SGCD: variants seen among roughly 807,000 people sequenced by gnomAD.
The protein encoded by SGCD is sarcoglycan delta, also known as delta-sarcoglycan.
A neutral mutation model predicts 36.6 loss-of-function variants in SGCD; 18 were observed. The observed-to-expected ratio is 0.49, with a 90% confidence interval of 0.34 to 0.73. The LOEUF is 0.73. SGCD is among the 30% of genes least tolerant of loss of function. SGCD has a pLI of 0.01. For missense variants in SGCD, 387 were observed against 346.7 expected, an observed-to-expected ratio of 1.12 and a Z score of -0.92; for synonymous variants, 133 against 130.6, an observed-to-expected ratio of 1.02 and a Z score of -0.12.
chr5:156,646,436 G>C (rs999714175), intron 6 of SGCD, among the ~76,000 whole-genome samples: 1 of 152,072 alleles, frequency 6.6e-6, no homozygotes, highest in South Asian at 2.1e-4. Context: ...AAGTCAACCT[G>C]GCTATATCCC....
intron 3 of SGCD, among the ~76,000 whole-genome samples, chr5:156,201,805 A>G (rs1764158245): frequency 6.6e-6 from 1 of 151,758 alleles, no homozygotes; most frequent in South Asian, 2.1e-4. Flanking sequence ...TTATTATGAC[A>G]TTTGAAAGAA....
At chr5:155,732,371 A>G in the SGCD span, among the ~76,000 whole-genome samples, 1 of 152,208 alleles carries the variant, frequency 6.6e-6, no homozygotes. Flanking sequence ...TGACTTCAAG[A>G]TCTCTGGTCC....
intron 1 of SGCD, among the ~76,000 whole-genome samples, chr5:156,003,699 C>T (rs1387941892): frequency 1.3e-5 from 2 of 152,150 alleles, no homozygotes; most frequent in Non-Finnish European, 2.9e-5. Context: ...GAAATCAATA[C>T]TACTTAATAT....
At chr5:156,207,916 A>G (rs568676797) in intron 3 of SGCD, among the ~76,000 whole-genome samples, 1 of 152,254 alleles carries the variant, frequency 6.6e-6, no homozygotes, top group Non-Finnish European at 1.5e-5. Context: ...ATTGACTGGT[A>G]TGTTTACTTA....
chr5:155,769,810 G>C, the SGCD span, among the ~76,000 whole-genome samples: 1 of 152,014 alleles, frequency 6.6e-6, no homozygotes, highest in Admixed American at 6.6e-5. Context: ...TTGTACTCAC[G>C]GCACAGTAAT....
chr5:156,407,026 G>C (rs1256532266), intron 3 of SGCD, among the ~76,000 whole-genome samples: 3 of 151,780 alleles, frequency 2.0e-5, no homozygotes, highest in Non-Finnish European at 4.4e-5. Context: ...AGGCTGGGAG[G>C]CTAGGCCAGT....
At chr5:156,110,991 G>A (rs887898404) in intron 1 of SGCD, among the ~76,000 whole-genome samples, 7 of 151,882 alleles carry the variant, frequency 4.6e-5, no homozygotes, top group East Asian at 1.9e-4. Context: ...ATTTGAACAC[G>A]AAAAAAATAT....
Position 155,983,981 on chromosome 5 carries a change from T to C in SGCD, c.-282+113557T>C, listed in dbSNP as rs1465293893. On this transcript the variant is annotated intron_variant, in intron 1 of 9. Transcript: ENST00000517913. ...CGTGGATGAAAATTTCATGACCTTC[T>C]TCACTGACTTGTTCCAGCCCATTTG... 3.3e-5 allele frequency among the ~76,000 whole-genome samples: 5 copies of C among 152,218 alleles called. No homozygotes were observed. The East Asian group carries it at 7.7e-4, about 23-fold the overall frequency.
chr5:156,124,819 A>G (rs934224737), intron 3 of SGCD, among the ~76,000 whole-genome samples: 2 of 152,046 alleles, frequency 1.3e-5, no homozygotes, highest in African/African-American at 4.8e-5. Context: ...TGGAGTCTGT[A>G]TTGTGAGTCA....
intron 3 of SGCD, among the ~76,000 whole-genome samples, chr5:156,165,741 G>C (rs1763197461): frequency 6.6e-6 from 1 of 152,178 alleles, no homozygotes; most frequent in Non-Finnish European, 1.5e-5. Flanking sequence ...CTGTTTGAAA[G>C]TTACAGATAC....
At chr5:155,843,984 TA>T in the SGCD span, among the ~76,000 whole-genome samples, 2 of 152,230 alleles carry the variant, frequency 1.3e-5, no homozygotes, top group Non-Finnish European at 2.9e-5. Context: ...AGATCTGGAT[TA>T]ATACAGTGCT....
intron 1 of SGCD, among the ~76,000 whole-genome samples, chr5:156,003,148 T>C (rs928229400): frequency 6.6e-5 from 10 of 152,232 alleles, no homozygotes; most frequent in Non-Finnish European, 1.5e-4. Context: ...TCAGTCCCTC[T>C]AATAGGATGC....
chr5:155,969,138 C>A (rs2127559024), intron 1 of SGCD, among the ~76,000 whole-genome samples: 1 of 152,188 alleles, frequency 6.6e-6, no homozygotes, highest in Non-Finnish European at 1.5e-5. Context: ...TGTATGTCTC[C>A]TTATGCCTGT....
intron 1 of SGCD, among the ~76,000 whole-genome samples, chr5:156,067,812 G>A (rs1244086569): frequency 1.2e-4 from 16 of 139,096 alleles, no homozygotes; most frequent in South Asian, 8.4e-4. Flanking sequence ...CGCACGGTGC[G>A]CACACACACT....
intron 1 of SGCD, among the ~76,000 whole-genome samples, chr5:156,034,093 C>T (rs1759429158): frequency 2.0e-5 from 3 of 152,152 alleles, no homozygotes; most frequent in Non-Finnish European, 1.5e-5. Context: ...CTCTCTCCTA[C>T]CCCACTCCTC....
the SGCD span, among the ~76,000 whole-genome samples, chr5:155,794,769 A>C: frequency 1.3e-5 from 2 of 152,136 alleles, no homozygotes; most frequent in East Asian, 3.9e-4. Flanking sequence ...TCAAAGGTCT[A>C]ATGGCTATGA....
At chr5:156,553,425 C>A (rs1479120107) in intron 4 of SGCD, among the ~76,000 whole-genome samples, 3 of 152,266 alleles carry the variant, frequency 2.0e-5, no homozygotes, top group African/African-American at 7.2e-5. Context: ...CCAGACCCAT[C>A]CTATACCTAC....
At chr5:156,564,869 A>G (rs1369300248) in intron 4 of SGCD, among the ~76,000 whole-genome samples, 1 of 152,184 alleles carries the variant, frequency 6.6e-6, no homozygotes, top group East Asian at 1.9e-4. Flanking sequence ...TTGTACATAT[A>G]CACCACATGT....
In SGCD at chr5:156,635,199, G is replaced by A. The variant is rs1384380696; in HGVS notation, c.503-12265G>A. On this transcript the variant is annotated intron_variant, in intron 6 of 8. Transcript: ENST00000337851. ...TGATCACACCACTGCACTCAGCCTG[G>A]ATGACAGACCAAGACCTTGGCCCTA... is the stretch of plus-strand genomic sequence containing the variant. Among the ~76,000 whole-genome samples the A allele has an allele frequency of 3.0e-4, 45 of 152,148 alleles. 1 individual carries two copies. Among genetic ancestry groups the A allele is most frequent in the Admixed American group, 2.8e-3 (43 of 15,264 alleles).
Sources: allele counts gnomAD v4.1 joint callset (sites outside exome capture counted in the v4.1 genomes callset), GRCh38; gene constraint gnomAD v4.1.1; transcripts MANE v1.5; gene names NCBI Gene and HGNC (gene_info 2026-07-23, HGNC 2026-07-21).